GRIK4: variants seen among roughly 807,000 people sequenced by gnomAD.
The protein encoded by GRIK4 is glutamate ionotropic receptor kainate type subunit 4.
Under a neutral mutation model 104.9 loss-of-function variants are expected in GRIK4, and 40 were observed. The ratio of observed to expected loss-of-function variants is 0.38; its 90% CI spans 0.30 to 0.50. The LOEUF (loss-of-function observed/expected upper bound fraction) is 0.50. Ranked by LOEUF, GRIK4 falls within the 20% of genes least tolerant of loss-of-function variation. GRIK4 has a pLI of 0.93. For synonymous variants in GRIK4, 485 were observed against 524.9 expected (o/e 0.92, Z 1.04); for missense variants, 1,047 against 1,308.1 (o/e 0.80, Z 3.08).
chr11:120,876,961 C>T (rs1270506766), intron 11 of GRIK4, among the ~76,000 whole-genome samples: 1 of 152,214 alleles, frequency 6.6e-6, no homozygotes, highest in Non-Finnish European at 1.5e-5. Flanking sequence ...ATCTGAGAGG[C>T]TCCGATCAGC....
intron 1 of GRIK4, among the ~76,000 whole-genome samples, chr11:120,612,491 T>G (rs1179832716): frequency 1.1e-5 from 1 of 92,914 alleles, no homozygotes; most frequent in Non-Finnish European, 2.2e-5. Flanking sequence ...CTATTAAGAC[T>G]TTTGAGGCAA....
chr11:120,855,698 C>T (rs761643203), intron 8 of GRIK4, among the ~76,000 whole-genome samples: 3 of 152,090 alleles, frequency 2.0e-5, no homozygotes, highest in Non-Finnish European at 2.9e-5. Flanking sequence ...GCTGGGACTA[C>T]AGGCAGATGC....
chr11:120,718,856 C>T (rs931913740), intron 3 of GRIK4, among the ~76,000 whole-genome samples: 12 of 152,180 alleles, frequency 7.9e-5, no homozygotes, highest in East Asian at 1.9e-4. Flanking sequence ...CGTACTTGCC[C>T]GTTCAGTCCC....
At chr11:120,582,281 A>G (rs1224235034) in intron 1 of GRIK4, among the ~76,000 whole-genome samples, 2 of 151,096 alleles carry the variant, frequency 1.3e-5, no homozygotes, top group Non-Finnish European at 2.9e-5. Flanking sequence ...ATATACATAT[A>G]CATTATACGT....
intron 13 of GRIK4, among the ~76,000 whole-genome samples, chr11:120,917,558 C>A (rs1177915990): frequency 6.6e-6 from 1 of 152,196 alleles, no homozygotes; most frequent in Non-Finnish European, 1.5e-5. Context: ...GAGCGTCACC[C>A]GTGCAGGTGC....
intron 13 of GRIK4, among the ~76,000 whole-genome samples, chr11:120,917,247 CAAAAA>C (rs199620498): frequency 2.0e-4 from 7 of 34,802 alleles, no homozygotes; most frequent in Admixed American, 7.5e-4. Context: ...AACTCCGTCT[CAAAAA>C]AAAAAAAAAA....
chr11:120,560,450 C>T (rs1565549825), intron 1 of GRIK4, among the ~76,000 whole-genome samples: 1 of 152,200 alleles, frequency 6.6e-6, no homozygotes, highest in African/African-American at 2.4e-5. Flanking sequence ...GGAGCCTACA[C>T]AGTGTCCCCG....
intron 3 of GRIK4, among the ~76,000 whole-genome samples, chr11:120,691,427 G>A (rs1013548585): frequency 3.9e-5 from 6 of 152,200 alleles, no homozygotes; most frequent in African/African-American, 1.2e-4. Context: ...AATCATGTGA[G>A]ATGTAGATTA....
At position 120,801,619 on chromosome 11, in the gene GRIK4, A is replaced by G. The variant is rs1415511129; in HGVS notation, c.83-1074A>G. On this transcript the variant is annotated intron_variant, in intron 3 of 20. Coordinates refer to ENST00000527524, the MANE Select transcript of GRIK4 (RefSeq NM_014619.5). ...TTGAGTAATATTCCATTGTATGGGT[A>G]AACCACATTTTTTTATCTATCAATC... Among the ~76,000 whole-genome samples, 5 of 152,220 alleles carry G rather than the reference A, an allele frequency of 3.3e-5. No homozygotes were observed. The South Asian group carries it at 1.0e-3, about 31-fold the overall frequency.
Position 120,986,498 on chromosome 11 carries a change from C to G in GRIK4, c.*238C>G. On this transcript the variant is annotated 3_prime_UTR_variant, in exon 21 of 21. Coordinates refer to ENST00000527524, the MANE Select transcript of GRIK4 (RefSeq NM_014619.5). Reference sequence around the variant, plus strand: ...CAAAGGGCAAAGGACGGCCCTCCCTCCTGGGCACAAGGACCCATCTTCTCC... The same window carrying G: ...CAAAGGGCAAAGGACGGCCCTCCCTGCTGGGCACAAGGACCCATCTTCTCC... 6 of 526,520 alleles carry G rather than the reference C, an allele frequency of 1.1e-5. No individual in the cohort carries two copies. In the South Asian group the frequency reaches 1.6e-4, roughly 14 times the overall value. 32.6% of individuals were successfully genotyped at this position (526,520 alleles called of 1,614,324 possible).
intron 3 of GRIK4, among the ~76,000 whole-genome samples, chr11:120,787,541 T>C (rs1010073586): frequency 6.0e-5 from 9 of 149,664 alleles, no homozygotes; most frequent in Admixed American, 4.0e-4. Context: ...CTCGGCTCGC[T>C]GCAACCTCTG....
At chr11:120,668,101 G>GGATGGATAGATA (rs1482583970) in intron 3 of GRIK4, among the ~76,000 whole-genome samples, 2 of 144,092 alleles carry the variant, frequency 1.4e-5, no homozygotes, top group East Asian at 2.1e-4. Flanking sequence ...ATAGATAGAT[G>GGATGGATAGATA]GATAGATAGA....
rs1375746539 is a variant in GRIK4 at position 120,802,753 on chromosome 11, C to G, written c.143C>G (p.Ala48Gly). ...GGGGAGCGGCTCTCCATCACCCTGGCCAAGAACCGCATCAACCGCGCTCCT... is the reference window on the plus strand; with the variant it reads ...GGGGAGCGGCTCTCCATCACCCTGGGCAAGAACCGCATCAACCGCGCTCCT... ...SRGERLSITL[A>G]KNRINRAPER... is the part of the protein sequence containing the mutation. The change falls in exon 4 of 21, where the codon GCC (alanine) becomes GGC (glycine). Residue 48 changes from alanine to glycine, a missense_variant. Ala to Gly is a moderately conservative substitution (Grantham distance 60). Transcript: ENST00000527524. The G allele has an allele frequency of 6.2e-7, 1 of 1,614,122 alleles. No homozygotes were observed. Among genetic ancestry groups the G allele is most frequent in the Admixed American group, 1.7e-5 (1 of 60,030 alleles).
chr11:120,544,030 G>C (rs1434529754), intron 1 of GRIK4, among the ~76,000 whole-genome samples: 1 of 152,242 alleles, frequency 6.6e-6, no homozygotes, highest in African/African-American at 2.4e-5. Flanking sequence ...AGCTATGCAA[G>C]GCGAGTCAGT....
chr11:120,791,123 G>A (rs1267222917), intron 3 of GRIK4, among the ~76,000 whole-genome samples: 2 of 152,168 alleles, frequency 1.3e-5, no homozygotes. Flanking sequence ...ATTGCACAAT[G>A]AAGAGTGGCT....
chr11:120,943,923 A>G (rs150375480), intron 14 of GRIK4, among the ~76,000 whole-genome samples: 260 of 152,374 alleles, frequency 1.7e-3, no homozygotes, highest in Admixed American at 3.5e-3. Context: ...AAGATTATCT[A>G]GGCATTTTCA....
chr11:120,554,216 T>C (rs543702791), intron 1 of GRIK4, among the ~76,000 whole-genome samples: 69 of 152,340 alleles, frequency 4.5e-4, no homozygotes, highest in African/African-American at 1.5e-3. Flanking sequence ...AAAATATCTG[T>C]TAAGTCTACA....
At chr11:120,790,040 A>G (rs1381066443) in intron 3 of GRIK4, among the ~76,000 whole-genome samples, 1 of 152,082 alleles carries the variant, frequency 6.6e-6, no homozygotes, top group Non-Finnish European at 1.5e-5. Context: ...TCCAGAGTCA[A>G]ATGACCTCAT....
chr11:120,769,357 A>G (rs981965737), intron 3 of GRIK4, among the ~76,000 whole-genome samples: 1 of 152,090 alleles, frequency 6.6e-6, no homozygotes, highest in African/African-American at 2.4e-5. Flanking sequence ...AATAGTCTCT[A>G]TGATTCTTTT....
Sources: gnomAD v4.1 joint callset for allele counts (sites outside exome capture counted in the v4.1 genomes callset) on GRCh38, gnomAD v4.1.1 for gene constraint, MANE v1.5 for transcripts, NCBI Gene and HGNC (gene_info 2026-07-23, HGNC 2026-07-21) for gene names.